Variants in GPC6 observed in about 807,000 individuals in gnomAD.
The protein encoded by GPC6 is glypican-6.
In GPC6, 14 loss-of-function variants were observed where a neutral mutation model predicts 55.2. That is an observed-to-expected ratio of 0.25 (90% CI 0.17 to 0.40). GPC6 has a LOEUF of 0.40. Among genes scored for constraint, GPC6 ranks in the 10% least tolerant of loss-of-function variants. The probability of loss-of-function intolerance (pLI) is 1.00; values close to 1 mark genes in which losing one functional copy is unlikely to be tolerated. For synonymous variants in GPC6, 278 were observed against 259.6 expected, an observed-to-expected ratio of 1.07 and a Z score of -0.68; for missense variants, 641 against 708.5, an observed-to-expected ratio of 0.90 and a Z score of 1.08.
intron 1 of GPC6, among the ~76,000 whole-genome samples, chr13:93,528,960 G>A (rs1881758979): frequency 6.6e-6 from 1 of 152,028 alleles, no homozygotes; most frequent in Non-Finnish European, 1.5e-5. Flanking sequence ...TCATAACTAT[G>A]CATTAGTATG....
At chr13:93,349,862 A>T (rs796871295) in intron 1 of GPC6, among the ~76,000 whole-genome samples, 1 of 152,208 alleles carries the variant, frequency 6.6e-6, no homozygotes, top group South Asian at 2.1e-4. Flanking sequence ...ATAAATGTTA[A>T]TTAGTGAATC....
chr13:94,352,168 C>T (rs1248607642), intron 6 of GPC6, among the ~76,000 whole-genome samples: 1 of 151,934 alleles, frequency 6.6e-6, no homozygotes. Context: ...CTGAGGCCAA[C>T]CAGGTCTTAG....
rs908951791 is a variant in GPC6 at position 94,063,292 on chromosome 13, AC to A, written c.877+35399del. Among the ~76,000 whole-genome samples the A allele has an allele frequency of 4.7e-4, 72 of 152,266 alleles. 2 individuals are homozygous for A. The highest frequency in any genetic ancestry group is 1.7e-3 in the South Asian group (8 of 4,818). On this transcript the variant is annotated intron_variant, in intron 4 of 8. Transcript: ENST00000377047. ...GAGGAAGTAGATTTTGCAGTGCCAG[AC>A]TTTGTTTGGGAATCCCTTTGTGATC...
chr13:94,084,657 A>T (rs1282064362), intron 4 of GPC6, among the ~76,000 whole-genome samples: 1 of 152,128 alleles, frequency 6.6e-6, no homozygotes, highest in African/African-American at 2.4e-5. Flanking sequence ...TGAAAGGGGA[A>T]TTCTCTTTTC....
chr13:94,403,696 C>G lies in GPC6; in HGVS notation c.*479C>G, dbSNP rs1438878857. 5.1e-6 allele frequency: 1 copy of G among 196,632 alleles called. No homozygotes were observed. The highest frequency in any genetic ancestry group is 1.1e-5 in the Non-Finnish European group (1 of 94,596). The allele number at this position is 196,632 out of a possible 1,614,324, so 12.2% of individuals were successfully genotyped here. A position where few individuals can be genotyped will look rare whatever the true frequency, so the allele number is the denominator to read the frequency against. The stretch of plus-strand genomic sequence containing the variant: ...CTGTAAGTTCAGCATTGACAGCCAA[C>G]TTCCAGTGTAAGCTTTTTTGTGACA... On this transcript the variant is annotated 3_prime_UTR_variant, in exon 9 of 9. Coordinates refer to ENST00000377047, the MANE Select transcript of GPC6 (RefSeq NM_005708.5).
chr13:94,061,616 A>G (rs561223870), intron 4 of GPC6, among the ~76,000 whole-genome samples: 1 of 152,092 alleles, frequency 6.6e-6, no homozygotes, highest in Admixed American at 6.5e-5. Context: ...GAAATTCCTC[A>G]CCGAGAAGGA....
chr13:93,488,810 T>C (rs983495881), intron 1 of GPC6, among the ~76,000 whole-genome samples: 2 of 152,200 alleles, frequency 1.3e-5, no homozygotes, highest in Non-Finnish European at 2.9e-5. Flanking sequence ...CACTTTTTGA[T>C]GGGGTTGTTT....
chr13:93,359,880 A>C (rs1880984719), intron 1 of GPC6, among the ~76,000 whole-genome samples: 1 of 152,180 alleles, frequency 6.6e-6, no homozygotes, highest in Non-Finnish European at 1.5e-5. Context: ...GAATAAACAA[A>C]ATAATTAGGC....
At chr13:94,012,007 G>T (rs1487714936) in intron 3 of GPC6, among the ~76,000 whole-genome samples, 1 of 152,116 alleles carries the variant, frequency 6.6e-6, no homozygotes, top group Non-Finnish European at 1.5e-5. Flanking sequence ...TCTTGATGCA[G>T]TGCTGTCTTT....
At chr13:93,865,500 A>T (rs990248476) in intron 3 of GPC6, among the ~76,000 whole-genome samples, 14 of 151,672 alleles carry the variant, frequency 9.2e-5, no homozygotes, top group African/African-American at 3.4e-4. Context: ...TGTGGATCTG[A>T]TGGAAGGATT....
chr13:94,234,098 T>C (rs1373927023), intron 4 of GPC6, among the ~76,000 whole-genome samples: 1 of 152,116 alleles, frequency 6.6e-6, no homozygotes, highest in African/African-American at 2.4e-5. Flanking sequence ...TACATAATCT[T>C]ATTTAGTCAC....
intron 1 of GPC6, among the ~76,000 whole-genome samples, chr13:93,405,732 C>T (rs1876266161): frequency 6.6e-6 from 1 of 151,910 alleles, no homozygotes; most frequent in Admixed American, 6.6e-5. Flanking sequence ...CAAAACAGAA[C>T]AATAAAACAG....
At chr13:93,370,469 C>T (rs1881409699) in intron 1 of GPC6, among the ~76,000 whole-genome samples, 1 of 152,030 alleles carries the variant, frequency 6.6e-6, no homozygotes, top group South Asian at 2.1e-4. Context: ...AAAAATAATG[C>T]TGGATTTCTC....
At chr13:94,118,822 GA>G (rs1234218701) in intron 4 of GPC6, among the ~76,000 whole-genome samples, 1 of 152,098 alleles carries the variant, frequency 6.6e-6, no homozygotes, top group Non-Finnish European at 1.5e-5. Context: ...CTAGCAGAAA[GA>G]GAAACCTACT....
At chr13:94,159,385 T>G (rs991522801) in intron 4 of GPC6, among the ~76,000 whole-genome samples, 5 of 152,038 alleles carry the variant, frequency 3.3e-5, no homozygotes, top group African/African-American at 1.2e-4. Flanking sequence ...CTCCACGTGG[T>G]TGGGGAGGCT....
chr13:94,212,306 A>G (rs1340645707), intron 4 of GPC6, among the ~76,000 whole-genome samples: 1 of 152,216 alleles, frequency 6.6e-6, no homozygotes, highest in East Asian at 1.9e-4. Context: ...AGCTAAAGCA[A>G]TCAACCCCTA....
intron 1 of GPC6, among the ~76,000 whole-genome samples, chr13:93,295,599 G>A (rs1878470168): frequency 6.6e-6 from 1 of 152,054 alleles, no homozygotes; most frequent in African/African-American, 2.4e-5. Flanking sequence ...TCCTGCCTCA[G>A]CCTCCCAAGT....
rs557520780 is a variant in GPC6, at chr13:93,605,839, C to T, written c.319+60418C>T. Among the ~76,000 whole-genome samples, 22 of 75,422 alleles carry T rather than the reference C, an allele frequency of 2.9e-4. 1 individual carries two copies. In the South Asian group the frequency reaches 8.6e-3, roughly 30 times the overall value. 49.5% of individuals were successfully genotyped at this position (75,422 alleles called of 152,430 possible). A position where few individuals can be genotyped will look rare whatever the true frequency, so the allele number is the denominator to read the frequency against. ...CCTGGGTGACAGAGCGAGACCGTCT[C>T]AATAAAAAAAAAAAAAAAAAAAAAA... On this transcript the variant is annotated intron_variant, in intron 2 of 8. Coordinates refer to ENST00000377047, the MANE Select transcript of GPC6 (RefSeq NM_005708.5).
chr13:93,729,544 T>C (rs557939955), intron 2 of GPC6, among the ~76,000 whole-genome samples: 8 of 152,316 alleles, frequency 5.3e-5, no homozygotes, highest in Admixed American at 2.0e-4. Flanking sequence ...ATTATGTCTT[T>C]CAAGGTACGT....
Sources: gnomAD v4.1 joint callset for allele counts (sites outside exome capture counted in the v4.1 genomes callset) on GRCh38, gnomAD v4.1.1 for gene constraint, MANE v1.5 for transcripts, NCBI Gene and HGNC (gene_info 2026-07-23, HGNC 2026-07-21) for gene names.